ABCC6: variants seen among roughly 807,000 people sequenced by gnomAD.
ABCC6 encodes the protein ATP-binding cassette sub-family C member 6.
In ABCC6, 126 loss-of-function variants were observed where a neutral mutation model predicts 169.5. The ratio of observed to expected loss-of-function variants is 0.74; its 90% confidence interval spans 0.64 to 0.86. The LOEUF (loss-of-function observed/expected upper bound fraction) is 0.86. Ranked by LOEUF, ABCC6 falls within the 40% of genes least tolerant of loss-of-function variation. The probability of loss-of-function intolerance (pLI) is 0.00; values close to 1 mark genes in which losing one functional copy is unlikely to be tolerated. For missense variants in ABCC6, 1,733 were observed against 1,927.2 expected, an observed-to-expected ratio of 0.90 and a Z score of 1.89; for synonymous variants, 752 against 814.7, an observed-to-expected ratio of 0.92 and a Z score of 1.31.
intron 29 of ABCC6, among the ~76,000 whole-genome samples, chr16:16,153,752 A>AGAT (rs2046455923): frequency 6.6e-6 from 1 of 151,632 alleles, no homozygotes; most frequent in South Asian, 2.1e-4. Context: ...AAAAATAAAA[A>AGAT]GATTACCTGG....
intron 20 of ABCC6, among the ~76,000 whole-genome samples, chr16:16,175,602 C>A (rs1349662307): frequency 1.3e-5 from 2 of 152,180 alleles, no homozygotes; most frequent in Admixed American, 6.6e-5. Context: ...TGGGGAGGAA[C>A]CAGTCCTGCC....
At position 16,161,524 on chromosome 16, in the gene ABCC6, C is replaced by T. The variant is rs1448176425; in HGVS notation, c.3547G>A (p.Val1183Met). ...ACAGCACACGTGGCAGCTGCAAACA[C>T]CAGGCCATTCCCCAGGAGCTCCACA... Reference protein sequence around the residue: ...ANVELLGNGLVFAAATCAVLS... With the variant: ...ANVELLGNGLMFAAATCAVLS... Residue 1183 changes from valine to methionine, a missense_variant, in exon 25 of 31, where the codon GTG becomes ATG. Val to Met is a conservative substitution (Grantham distance 21, BLOSUM62 1). Transcript: ENST00000205557. The T allele has an allele frequency of 6.2e-7, 1 of 1,613,992 alleles. No individual in the cohort carries two copies. The highest frequency in any genetic ancestry group is 8.5e-7 in the Non-Finnish European group (1 of 1,180,034).
Position 16,208,297 on chromosome 16 carries a change from G to A in ABCC6, c.794+431C>T, listed in dbSNP as rs115608636. Among the ~76,000 whole-genome samples the A allele has an allele frequency of 5.1e-3, 770 of 152,258 alleles. 11 individuals carry two copies. Among genetic ancestry groups the A allele is most frequent in the African/African-American group, 0.018 (736 of 41,534 alleles). ...GGCAAGGTGGGGAGGCGGCAGTGCC[G>A]CCAGAGTAGCGTTGGGGGCTGGACT... is the stretch of plus-strand genomic sequence containing the variant. On this transcript the variant is annotated intron_variant, in intron 7 of 30. Transcript: ENST00000205557.
intron 23 of ABCC6, among the ~76,000 whole-genome samples, chr16:16,164,064 C>G (rs2046807849): frequency 6.6e-6 from 1 of 152,060 alleles, no homozygotes. Flanking sequence ...GATGGAGTCT[C>G]TCTCTGTCAC....
chr16:16,192,013 G>T (rs2047877940), intron 11 of ABCC6, among the ~76,000 whole-genome samples: 1 of 152,140 alleles, frequency 6.6e-6, no homozygotes, highest in Admixed American at 6.5e-5. Flanking sequence ...GCTGTGGGGG[G>T]AAAAAAGCAA....
intron 20 of ABCC6, among the ~76,000 whole-genome samples, chr16:16,174,236 A>G (rs1397284417): frequency 7.2e-5 from 11 of 152,350 alleles, no homozygotes; most frequent in Admixed American, 6.5e-4. Flanking sequence ...TCCTGTGTCA[A>G]TCACTGAGTT....
rs1207099194 is a variant in ABCC6, at chr16:16,169,144, G to A, written c.2995+502C>T. Among the ~76,000 whole-genome samples the A allele has an allele frequency of 2.6e-5, 4 of 152,146 alleles. No individual in the cohort carries two copies. The South Asian group carries it at 8.3e-4, about 31-fold the overall frequency. ...GAGATCCATGGATTGATGGGTGTCA[G>A]GATCCTTTGTGTGATACTTTACTAT... On this transcript the variant is annotated intron_variant, in intron 22 of 30. Coordinates refer to ENST00000205557, the MANE Select transcript of ABCC6 (RefSeq NM_001171.6).
At chr16:16,197,095 A>G (rs537557832) in intron 10 of ABCC6, among the ~76,000 whole-genome samples, 8 of 152,298 alleles carry the variant, frequency 5.3e-5, no homozygotes, top group Non-Finnish European at 1.0e-4. Flanking sequence ...TTGTTTCCTG[A>G]TGGCTACTTT....
intron 17 of ABCC6, among the ~76,000 whole-genome samples, chr16:16,180,076 C>T (rs2047418969): frequency 6.6e-6 from 1 of 152,136 alleles, no homozygotes; most frequent in Non-Finnish European, 1.5e-5. Context: ...AGGGTTTGTG[C>T]TCCTATGAGA....
chr16:16,189,108 C>T (rs2047754783), intron 12 of ABCC6, 134 bp from the exon 13 acceptor site: 2 of 1,020,346 alleles, frequency 2.0e-6, no homozygotes, highest in South Asian at 2.7e-5. Context: ...CTCCGTAGAT[C>T]CCACTCCCAG....
At chr16:16,180,078 C>G (rs2047419039) in intron 17 of ABCC6, among the ~76,000 whole-genome samples, 1 of 152,142 alleles carries the variant, frequency 6.6e-6, no homozygotes, top group Non-Finnish European at 1.5e-5. Flanking sequence ...GGTTTGTGCT[C>G]CTATGAGAAT....
intron 24 of ABCC6, among the ~76,000 whole-genome samples, chr16:16,162,335 A>T (rs1050847463): frequency 6.6e-6 from 1 of 152,130 alleles, no homozygotes; most frequent in Non-Finnish European, 1.5e-5. Context: ...TTGGATTCAA[A>T]TCCTGGCTCT....
At chr16:16,171,640 A>G (rs2047074186) in intron 21 of ABCC6, among the ~76,000 whole-genome samples, 4 of 152,158 alleles carry the variant, frequency 2.6e-5, no homozygotes, top group Admixed American at 2.6e-4. Context: ...ACAGCTGAAC[A>G]GACAGATGCA....
In ABCC6 at chr16:16,178,920, G is replaced by C. The variant is rs776513864; in HGVS notation, c.2293C>G (p.Arg765Gly). The C allele has an allele frequency of 6.2e-7, 1 of 1,613,534 alleles. No homozygotes were observed. The highest frequency in any genetic ancestry group is 8.5e-7 in the Non-Finnish European group (1 of 1,180,014). The change falls in exon 18 of 31, where the codon CGG becomes GGG. Residue 765 changes from arginine (R) to glycine (G), a missense_variant. By Grantham distance (125) the Arg-to-Gly change is moderately radical. Coordinates refer to ENST00000205557, the MANE Select transcript of ABCC6 (RefSeq NM_001171.6). The part of the protein sequence containing the change: ...GGQKQRLSLA[R>G]AVYRKAAVYL... ...ACAGCTGCCTTTCTGTATACAGCCC[G>C]GGCCAGGCTCAGCCGCTGCTTCTGG...
intron 29 of ABCC6, among the ~76,000 whole-genome samples, chr16:16,152,188 G>T (rs2046405023): frequency 3.6e-5 from 1 of 27,762 alleles, no homozygotes; most frequent in Non-Finnish European, 5.7e-5. Context: ...GCAAGACTCT[G>T]TCTCAAAAAA....
In ABCC6 at chr16:16,154,723, G is replaced by A; in HGVS notation, c.4113C>T (p.Ile1371=). The part of the protein sequence containing the change: ...DLLQEHSDEA[I]WAALETVQLK... ...GCTGCACCGTCTCCAGGGCTGCCCA[G>A]ATAGCCTCGTCCGAGTGCTCCTGCA... The change falls in exon 29 of 31, where the codon ATC becomes ATT. Residue 1371 remains isoleucine (I), a synonymous_variant. Coordinates refer to ENST00000205557, the MANE Select transcript of ABCC6 (RefSeq NM_001171.6). 6.2e-7 allele frequency: 1 copy of A among 1,613,534 alleles called. No homozygotes were observed. The highest frequency in any genetic ancestry group is 8.5e-7 in the Non-Finnish European group (1 of 1,179,854).
intron 17 of ABCC6, 106 bp from the exon 18 acceptor site, chr16:16,179,071 C>G: frequency 7.9e-7 from 1 of 1,265,958 alleles, no homozygotes; most frequent in Non-Finnish European, 1.1e-6. Context: ...GGGTGAGGTA[C>G]AGCTCAACAT....
In ABCC6 at chr16:16,159,598, C is replaced by G. The variant is rs755947755; in HGVS notation, c.3634-15G>C. 53 of 1,613,552 alleles carry G rather than the reference C, an allele frequency of 3.3e-5. No homozygotes were observed. Among genetic ancestry groups the G allele is most frequent in the Non-Finnish European group, 4.1e-5 (48 of 1,179,624 alleles). On this transcript the variant is annotated splice_polypyrimidine_tract_variant and intron_variant, in intron 25 of 30. Coordinates refer to ENST00000205557, the MANE Select transcript of ABCC6 (RefSeq NM_001171.6). ...GTCTGGGTCACCTGGTGCAAGAAAG[C>G]CTCTCTGGCTGGGTTTGGCAAGGCC...
intron 29 of ABCC6, among the ~76,000 whole-genome samples, chr16:16,151,323 TG>T (rs1444801017): frequency 3.3e-5 from 5 of 152,248 alleles, no homozygotes; most frequent in South Asian, 2.1e-4. Context: ...CCCAAAGTGC[TG>T]GGATTACAGG....
Sources: allele counts gnomAD v4.1 joint callset (sites outside exome capture counted in the v4.1 genomes callset), GRCh38; gene constraint gnomAD v4.1.1; transcripts MANE v1.5; gene names NCBI Gene and HGNC (gene_info 2026-07-23, HGNC 2026-07-21).